PACS1: variants seen among roughly 807,000 people sequenced by gnomAD.
PACS1 encodes the protein PACS-1.
Under a neutral mutation model 115.0 loss-of-function variants are expected in PACS1, and 24 were observed. The observed-to-expected ratio is 0.21, with a 90% CI of 0.15 to 0.29. PACS1 has a LOEUF of 0.29. Among genes scored for constraint, PACS1 ranks in the 10% least tolerant of loss-of-function variants. The pLI is 1.00. For synonymous variants in PACS1, 453 were observed against 504.5 expected, an observed-to-expected ratio of 0.90 and a Z score of 1.37; for missense variants, 838 against 1,251.2, an observed-to-expected ratio of 0.67 and a Z score of 4.98.
intron 2 of PACS1, among the ~76,000 whole-genome samples, chr11:66,195,106 CAG>C (rs1224965056): frequency 1.3e-5 from 2 of 152,120 alleles, no homozygotes; most frequent in South Asian, 2.1e-4. Flanking sequence ...TCCAGCTACT[CAG>C]GGGGCTGAGG....
At position 66,070,303 on chromosome 11, in the gene PACS1, A is replaced by G; in HGVS notation, c.-184A>G. 5.5e-6 allele frequency: 1 copy of G among 182,464 alleles called. No homozygotes were observed. The highest frequency in any genetic ancestry group is 1.1e-5 in the Non-Finnish European group (1 of 91,434). 11.3% of individuals were successfully genotyped at this position (182,464 alleles called of 1,614,324 possible). ...GTCGGCCTCGCGAGCCGCAACAGGC[A>G]GCGGCGGTCGAGCGCGAGGCCCGCG... On this transcript the variant is annotated 5_prime_UTR_variant, in exon 1 of 24. Coordinates refer to ENST00000320580, the MANE Select transcript of PACS1 (RefSeq NM_018026.4). The surrounding 1 kb of genome is among the most constrained non-coding windows in gnomAD (Gnocchi z 5.9).
In PACS1 at chr11:66,232,213, G is replaced by A; in HGVS notation, c.1668G>A (p.Leu556=). 1.2e-6 allele frequency: 2 copies of A among 1,613,718 alleles called. No individual in the cohort carries two copies. The change falls in exon 14 of 24, where the codon CTG becomes CTA. Residue 556 remains leucine (L), a synonymous_variant. Coordinates refer to ENST00000320580, the MANE Select transcript of PACS1 (RefSeq NM_018026.4). The part of the protein sequence containing the change: ...KVVYDQLNQI[L]VSDAALPENV... ...TGTATGACCAGCTCAATCAGATCCT[G>A]GTGTCAGATGCAGCCCTCCCAGAAA...
rs74991876 is a variant in PACS1 at position 66,106,001 on chromosome 11, G to A, written c.356+35159G>A. 2.6e-3 allele frequency among the ~76,000 whole-genome samples: 398 copies of A among 152,286 alleles called. 14 individuals carry two copies. The East Asian group carries it at 0.069, about 26-fold the overall frequency. On this transcript the variant is annotated intron_variant, in intron 1 of 23. Transcript: ENST00000320580. ...TCTAATGTTTGGGTTTTCTCAAAGC[G>A]TCATTCCTCCTTTCCTCTTATTCTG...
intron 1 of PACS1, among the ~76,000 whole-genome samples, chr11:66,113,494 T>C (rs1333223627): frequency 6.6e-6 from 1 of 152,206 alleles, no homozygotes; most frequent in Non-Finnish European, 1.5e-5. Flanking sequence ...CCTCAAAGAC[T>C]AAGTATCTCC....
intron 1 of PACS1, among the ~76,000 whole-genome samples, chr11:66,183,548 C>T (rs1422425006): frequency 1.3e-5 from 2 of 152,176 alleles, no homozygotes; most frequent in African/African-American, 4.8e-5. Context: ...GGTCACTTGT[C>T]TTCTGTTCCT....
At chr11:66,124,047 C>G (rs1349177311) in intron 1 of PACS1, among the ~76,000 whole-genome samples, 2 of 152,230 alleles carry the variant, frequency 1.3e-5, no homozygotes, top group Non-Finnish European at 1.5e-5. Flanking sequence ...GGCAGGCATT[C>G]TGCGCAGCTT....
chr11:66,201,811 C>T (rs1183772023), intron 2 of PACS1, among the ~76,000 whole-genome samples: 1 of 151,990 alleles, frequency 6.6e-6, no homozygotes, highest in African/African-American at 2.4e-5. Context: ...AGGCGCGCAC[C>T]ACCATCGCGG....
rs955936861 is a variant in PACS1, at chr11:66,134,845, C to CG, written c.357-58639dup. On this transcript the variant is annotated intron_variant, in intron 1 of 23. Coordinates refer to ENST00000320580, the MANE Select transcript of PACS1 (RefSeq NM_018026.4). ...TGTCTTGAATCTTAGATAATTATGC[C>CG]GGAGATAATCCTTCTTATCTCCTCT... Among the ~76,000 whole-genome samples the CG allele has an allele frequency of 3.7e-4, 57 of 152,246 alleles. 1 individual carries two copies. The highest frequency in any genetic ancestry group is 1.3e-3 in the African/African-American group (55 of 41,546).
At chr11:66,195,315 T>C (rs1854624912) in intron 2 of PACS1, among the ~76,000 whole-genome samples, 1 of 152,194 alleles carries the variant, frequency 6.6e-6, no homozygotes, top group South Asian at 2.1e-4. Context: ...CATAATTCCT[T>C]CCAAATCTAT....
intron 1 of PACS1, among the ~76,000 whole-genome samples, chr11:66,157,569 G>A (rs1342222792): frequency 6.6e-6 from 1 of 152,160 alleles, no homozygotes; most frequent in Non-Finnish European, 1.5e-5. Flanking sequence ...GTGTGTCAAA[G>A]TCTAACCTGG....
At chr11:66,194,789 A>G (rs1176612710) in intron 2 of PACS1, among the ~76,000 whole-genome samples, 1 of 152,212 alleles carries the variant, frequency 6.6e-6, no homozygotes. Flanking sequence ...TTCACCTACT[A>G]TGCTGCAGTT....
chr11:66,176,085 A>T (rs1859853884), intron 1 of PACS1, among the ~76,000 whole-genome samples: 1 of 152,132 alleles, frequency 6.6e-6, no homozygotes, highest in Admixed American at 6.5e-5. Flanking sequence ...ATTTTTAAAA[A>T]TTTCAACTTT....
chr11:66,222,108 C>G (rs1300108968), intron 10 of PACS1, among the ~76,000 whole-genome samples: 2 of 152,146 alleles, frequency 1.3e-5, no homozygotes, highest in Non-Finnish European at 2.9e-5. Context: ...AGAACAAGAC[C>G]TTATCTCAAC....
intron 7 of PACS1, chr11:66,218,747 C>A (rs1439549727): frequency 6.6e-6 from 1 of 152,062 alleles, no homozygotes; most frequent in Non-Finnish European, 1.5e-5. Context: ...GTAATCCCAG[C>A]TACTCAGGAG....
chr11:66,130,470 T>C (rs1268514457), intron 1 of PACS1, among the ~76,000 whole-genome samples: 1 of 152,196 alleles, frequency 6.6e-6, no homozygotes, highest in Non-Finnish European at 1.5e-5. Flanking sequence ...TTTTCTGTTG[T>C]CACTTTGTAT....
intron 1 of PACS1, among the ~76,000 whole-genome samples, chr11:66,153,921 C>T (rs1859299910): frequency 6.6e-6 from 1 of 152,106 alleles, no homozygotes; most frequent in African/African-American, 2.4e-5. Context: ...AAGAGACACA[C>T]TTTAAACACA....
intron 1 of PACS1, among the ~76,000 whole-genome samples, chr11:66,125,676 A>G (rs1858555022): frequency 6.6e-6 from 1 of 152,204 alleles, no homozygotes; most frequent in Admixed American, 6.5e-5. Flanking sequence ...ATGCCTGTGT[A>G]GATAAAATAA....
chr11:66,116,313 G>A (rs919038259), intron 1 of PACS1, among the ~76,000 whole-genome samples: 1 of 152,164 alleles, frequency 6.6e-6, no homozygotes, highest in African/African-American at 2.4e-5. Flanking sequence ...GCCCTCAGTC[G>A]TTAGATATTA....
In PACS1 at chr11:66,105,398, G is replaced by A. The variant is rs12576868; in HGVS notation, c.356+34556G>A. 8.3e-3 allele frequency among the ~76,000 whole-genome samples: 1,268 copies of A among 152,250 alleles called. 88 individuals carry two copies. The East Asian group carries it at 0.17, about 21-fold the overall frequency. On this transcript the variant is annotated intron_variant, in intron 1 of 23. Transcript: ENST00000320580. ...AGACTGCGCCATTGCACTCCATCCTGGGCAACAAGAGTGAAACTCTGTTTC... is the reference window on the plus strand; with the variant it reads ...AGACTGCGCCATTGCACTCCATCCTAGGCAACAAGAGTGAAACTCTGTTTC...
Sources: allele counts gnomAD v4.1 joint callset (sites outside exome capture counted in the v4.1 genomes callset), GRCh38; gene constraint gnomAD v4.1.1; non-coding constraint Gnocchi (gnomAD v3.1); transcripts MANE v1.5; gene names NCBI Gene and HGNC (gene_info 2026-07-23, HGNC 2026-07-21).